The following ZNF233 variants were observed in gnomAD, a reference collection of about 807,000 sequenced individuals.
ZNF233 encodes the protein zinc finger protein 233.
ZNF233 carries 7 observed loss-of-function variants against 11.6 expected under a neutral mutation model. That is an observed-to-expected ratio of 0.60 (90% CI 0.34 to 1.13). ZNF233 has a LOEUF of 1.13. Ranked by LOEUF, ZNF233 falls within the 50% of genes most tolerant of loss-of-function variation. The pLI is 0.03. For synonymous variants in ZNF233, 226 were observed against 268.5 expected, an observed-to-expected ratio of 0.84 and a Z score of 1.55; for missense variants, 711 against 785.5, an observed-to-expected ratio of 0.91 and a Z score of 1.13.
chr19:44,271,426 GT>G (rs1402787740), intron 4 of ZNF233, among the ~76,000 whole-genome samples: 1 of 152,110 alleles, frequency 6.6e-6, no homozygotes, highest in Non-Finnish European at 1.5e-5. Context: ...ACAGATGCAG[GT>G]TGTACAATGT....
Position 44,273,469 on chromosome 19 carries a change from G to A in ZNF233, c.809G>A (p.Gly270Asp). The change falls in exon 5 of 5, where the codon GGC (glycine) becomes GAC (aspartate). Residue 270 changes from glycine to aspartate, a missense_variant. Transcript: ENST00000683810. ...SDENGKGLSVGSNLELHQQLH... is the reference protein window; with the variant it reads ...SDENGKGLSVDSNLELHQQLH... ...GAAAATGGAAAAGGCTTAAGTGTTG[G>A]CTCTAATCTTGAACTTCACCAGCAA... 2.5e-6 allele frequency: 4 copies of A among 1,614,200 alleles called. No individual in the cohort carries two copies. The highest frequency in any genetic ancestry group is 3.4e-6 in the Non-Finnish European group (4 of 1,180,030).
At chr19:44,260,237 C>T (rs1371090932) in intron 1 of ZNF233, 2 of 191,040 alleles carry the variant, frequency 1.0e-5, no homozygotes, top group South Asian at 1.5e-4. Context: ...CGTTTCTCCT[C>T]TGTAAAGTGA....
At chr19:44,268,442 G>C (rs1375318553) in intron 4 of ZNF233, among the ~76,000 whole-genome samples, 3 of 152,096 alleles carry the variant, frequency 2.0e-5, no homozygotes, top group African/African-American at 4.8e-5. Flanking sequence ...TCAAACTCCT[G>C]GGCTGGGACT....
rs2884015 is a variant in ZNF233 at position 44,274,644 on chromosome 19, T to C, written c.1984T>C (p.Leu662=). 6.2e-7 allele frequency: 1 copy of C among 1,606,786 alleles called. No homozygotes were observed. The highest frequency in any genetic ancestry group is 8.5e-7 in the Non-Finnish European group (1 of 1,175,374). The part of the protein sequence containing the change: ...VCGKGFSKSS[L]SSDSSESP ...TGGTAAGGGCTTTAGTAAGAGTTCG[T>C]TGTCTTCAGATTCATCAGAGAGTCC... is the stretch of plus-strand genomic sequence containing the variant. Residue 662 remains leucine, a synonymous_variant, in exon 5 of 5, where the codon TTG becomes CTG. Coordinates refer to ENST00000683810, the MANE Select transcript of ZNF233 (RefSeq NM_001207005.2).
chr19:44,271,800 G>A (rs1403161235), intron 4 of ZNF233, among the ~76,000 whole-genome samples: 2 of 151,590 alleles, frequency 1.3e-5, no homozygotes, highest in Non-Finnish European at 2.9e-5. Context: ...GAGAGCCACC[G>A]CACCCAGCCA....
At chr19:44,267,013 T>C in intron 4 of ZNF233, 52 bp downstream of exon 4, 1 of 1,394,336 alleles carries the variant, frequency 7.2e-7, no homozygotes, top group South Asian at 1.2e-5. Context: ...AGTCCTCTCC[T>C]CCTCACCACC....
intron 1 of ZNF233, among the ~76,000 whole-genome samples, chr19:44,262,453 C>A (rs937998500): frequency 5.9e-5 from 9 of 152,160 alleles, no homozygotes; most frequent in African/African-American, 2.2e-4. Context: ...GAGCCAGGCA[C>A]CCCAAACCCC....
At chr19:44,264,260 G>T in intron 1 of ZNF233, 54 bp from the exon 2 acceptor site, 1 of 1,226,800 alleles carries the variant, frequency 8.2e-7, no homozygotes, top group Non-Finnish European at 1.2e-6. Flanking sequence ...AATTCAGCCA[G>T]CACAGCCATG....
rs1285995142 is a variant in ZNF233, at chr19:44,273,131, T to G, written c.471T>G (p.Tyr157Ter). Reference sequence around the variant, plus strand: ...GTCAGGTCTCTGAAGATGAGAACTATGTAATAAAGCTACAAGGGGAGAGTT... The same window carrying G: ...GTCAGGTCTCTGAAGATGAGAACTAGGTAATAAAGCTACAAGGGGAGAGTT... ...ESSQVSEDEN[Y>*]VIKLQGESSN... The change falls in exon 5 of 5, where the codon TAT becomes TAG. Residue 157 changes from tyrosine to a stop codon, truncating the protein, a stop_gained. Coordinates refer to ENST00000683810, the MANE Select transcript of ZNF233 (RefSeq NM_001207005.2). LOFTEE classifies it low-confidence loss of function (END_TRUNC). The G allele has an allele frequency of 1.2e-6, 2 of 1,613,910 alleles. No homozygotes were observed. Among genetic ancestry groups the G allele is most frequent in the Admixed American group, 3.3e-5 (2 of 59,992 alleles).
At position 44,274,660 on chromosome 19, in the gene ZNF233, C is replaced by CA; in HGVS notation, c.2001dup (p.Glu668ArgfsTer23). 1 of 1,600,332 alleles carries CA rather than the reference C, an allele frequency of 6.2e-7. No individual in the cohort carries two copies. The highest frequency in any genetic ancestry group is 8.5e-7 in the Non-Finnish European group (1 of 1,171,524). ...AAGAGTTCGTTGTCTTCAGATTCAT[C>CA]AGAGAGTCCATGATGGTGATGAATC... is the stretch of plus-strand genomic sequence containing the variant. On this transcript the variant is annotated frameshift_variant, in exon 5 of 5. Transcript: ENST00000683810. LOFTEE classifies it high-confidence loss of function.
Position 44,273,363 on chromosome 19 carries a change from A to G in ZNF233, c.703A>G (p.Ser235Gly), listed in dbSNP as rs1421003799. ...HGVHKREKAF[S>G]HNNCGKDCVK... ...AGTACACAAAAGAGAGAAAGCTTTT[A>G]GCCACAATAATTGTGGAAAAGACTG... The change falls in exon 5 of 5, where the codon AGC (serine) becomes GGC (glycine). Residue 235 changes from serine (S) to glycine (G), a missense_variant. Physicochemically the swap from Ser to Gly is moderately conservative, Grantham distance 56. Transcript: ENST00000683810. 1 of 1,614,112 alleles carries G rather than the reference A, an allele frequency of 6.2e-7. No individual in the cohort carries two copies. The highest frequency in any genetic ancestry group is 8.5e-7 in the Non-Finnish European group (1 of 1,180,052).
At chr19:44,264,962 A>C (rs1326966743) in intron 2 of ZNF233, among the ~76,000 whole-genome samples, 1 of 152,196 alleles carries the variant, frequency 6.6e-6, no homozygotes, top group Non-Finnish European at 1.5e-5. Context: ...CAAAAATTAT[A>C]TATATCTTAA....
Position 44,272,860 on chromosome 19 carries a change from GTCT to G in ZNF233, c.239-36_239-34del, listed in dbSNP as rs769352224. The G allele has an allele frequency of 9.2e-5, 126 of 1,374,328 alleles. No homozygotes were observed. The African/African-American group carries it at 1.7e-3, about 18-fold the overall frequency. The allele number at this position is 1,374,328 out of a possible 1,614,324, so 85.1% of individuals were successfully genotyped here. A position where few individuals can be genotyped will look rare whatever the true frequency, so the allele number is the denominator to read the frequency against. On this transcript the variant is annotated intron_variant, in intron 4 of 4. Coordinates refer to ENST00000683810, the MANE Select transcript of ZNF233 (RefSeq NM_001207005.2). Reference sequence around the variant, plus strand: ...TTTATTTCTGAACAAATGTTCAGTTGTCTTCATTTTCATTTCTGAGTTCTCTTT... The same window carrying G: ...TTTATTTCTGAACAAATGTTCAGTTGTCATTTTCATTTCTGAGTTCTCTTT...
chr19:44,274,857 T>C lies in ZNF233; in HGVS notation c.*184T>C. 1 of 563,064 alleles carries C rather than the reference T, an allele frequency of 1.8e-6. No homozygotes were observed. Among genetic ancestry groups the C allele is most frequent in the Non-Finnish European group, 3.0e-6 (1 of 334,592 alleles). 34.9% of individuals were successfully genotyped at this position (563,064 alleles called of 1,614,324 possible). On this transcript the variant is annotated 3_prime_UTR_variant, in exon 5 of 5. Transcript: ENST00000683810. The stretch of plus-strand genomic sequence containing the variant: ...TGAAGAAAACCTATTTTTGTATGAA[T>C]ATGACCAGTTTCAAGCAGAGCCCAA...
rs372376631 is a variant in ZNF233 at position 44,267,113 on chromosome 19, C to T, written c.238+152C>T. On this transcript the variant is annotated intron_variant, in intron 4 of 4. Coordinates refer to ENST00000683810, the MANE Select transcript of ZNF233 (RefSeq NM_001207005.2). Reference sequence around the variant, plus strand: ...CACATGACCTTCCTCCTTCTACCTCCCTCCAGTCCATTCTCCACATAGCCA... The same window carrying T: ...CACATGACCTTCCTCCTTCTACCTCTCTCCAGTCCATTCTCCACATAGCCA... The T allele has an allele frequency of 1.1e-4, 59 of 546,716 alleles. No homozygotes were observed. In the Middle Eastern group the frequency reaches 1.1e-3, roughly 10 times the overall value. The allele number at this position is 546,716 out of a possible 1,614,324, so 33.9% of individuals were successfully genotyped here.
In ZNF233 at chr19:44,274,664, G is replaced by C. The variant is rs1975346805; in HGVS notation, c.2004G>C (p.Glu668Asp). ...GTTCGTTGTCTTCAGATTCATCAGA[G>C]AGTCCATGATGGTGATGAATCTATT... ...SKSSLSSDSS[E>D]SP is the part of the protein sequence containing the mutation. Residue 668 changes from glutamate (E) to aspartate (D), a missense_variant, in exon 5 of 5, where the codon GAG becomes GAC. By Grantham distance (45) the Glu-to-Asp change is conservative. Transcript: ENST00000683810. 1 of 1,599,340 alleles carries C rather than the reference G, an allele frequency of 6.3e-7. No individual in the cohort carries two copies. Among genetic ancestry groups the C allele is most frequent in the Admixed American group, 1.7e-5 (1 of 59,090 alleles).
Position 44,273,610 on chromosome 19 carries a change from G to T in ZNF233, c.950G>T (p.Gly317Val). The T allele has an allele frequency of 6.2e-7, 1 of 1,614,144 alleles. No homozygotes were observed. The highest frequency in any genetic ancestry group is 2.2e-5 in the East Asian group (1 of 44,864). The part of the protein sequence containing the change: ...FHIGEKCYRN[G>V]DSGEGFSQGS... ...ATAGGAGAGAAATGCTATAGGAATG[G>T]TGACAGTGGTGAGGGCTTCAGTCAG... The change falls in exon 5 of 5, where the codon GGT (glycine) becomes GTT (valine). Residue 317 changes from glycine to valine, a missense_variant. Gly to Val is a moderately radical substitution (Grantham distance 109). Coordinates refer to ENST00000683810, the MANE Select transcript of ZNF233 (RefSeq NM_001207005.2).
intron 4 of ZNF233, among the ~76,000 whole-genome samples, chr19:44,270,620 A>G (rs1975211730): frequency 6.6e-6 from 1 of 152,186 alleles, no homozygotes; most frequent in African/African-American, 2.4e-5. Context: ...ACCCTAAGTG[A>G]GGGTTCTCAC....
At chr19:44,263,227 C>A (rs753878314) in intron 1 of ZNF233, among the ~76,000 whole-genome samples, 16 of 152,114 alleles carry the variant, frequency 1.1e-4, no homozygotes, top group Admixed American at 2.0e-4. Context: ...TTTAGTGTAT[C>A]CACAATGTTA....
Sources: gnomAD v4.1 joint callset for allele counts (sites outside exome capture counted in the v4.1 genomes callset) on GRCh38, gnomAD v4.1.1 for gene constraint, MANE v1.5 for transcripts, NCBI Gene and HGNC (gene_info 2026-07-23, HGNC 2026-07-21) for gene names.